The following RYR2 variants were observed in gnomAD, a reference collection of about 807,000 sequenced individuals.
RYR2 encodes the protein ryanodine receptor 2.
Under a neutral mutation model 601.1 loss-of-function variants are expected in RYR2, and 227 were observed. The ratio of observed to expected loss-of-function variants is 0.38; its 90% confidence interval spans 0.34 to 0.42. The LOEUF (loss-of-function observed/expected upper bound fraction) is 0.42, where lower values mean the gene tolerates loss of function less well. RYR2 is among the 10% of genes least tolerant of loss of function. The pLI, the probability that RYR2 is intolerant of heterozygous loss-of-function variation, is 1.00. For synonymous variants in RYR2, 2,223 were observed against 2,175.1 expected, an observed-to-expected ratio of 1.02 and a Z score of -0.61; for missense variants, 4,646 against 6,156.5, an observed-to-expected ratio of 0.75 and a Z score of 8.21.
At chr1:237,750,608 T>C (rs1371549619) in intron 80 of RYR2, among the ~76,000 whole-genome samples, 2 of 151,462 alleles carry the variant, frequency 1.3e-5, no homozygotes, top group African/African-American at 4.8e-5. Context: ...GTATATTAAA[T>C]ATAATACTAT....
chr1:237,313,935 A>G (rs541859223), intron 2 of RYR2, among the ~76,000 whole-genome samples: 3 of 142,928 alleles, frequency 2.1e-5, no homozygotes, highest in African/African-American at 7.8e-5. Context: ...CTAGTATTCA[A>G]CTTCCAATAA....
Position 237,729,490 on chromosome 1 carries a change from C to T in RYR2, c.10839-770C>T, listed in dbSNP as rs549332368. On this transcript the variant is annotated intron_variant, in intron 76 of 104. Transcript: ENST00000366574. ...CCTTCATAAACCTGTCTAACTGTTA[C>T]GTCTCATGAGTCCTTAACCCAATTT... Among the ~76,000 whole-genome samples, 21 of 152,244 alleles carry T rather than the reference C, an allele frequency of 1.4e-4. No individual in the cohort carries two copies. The South Asian group carries it at 3.5e-3, about 26-fold the overall frequency.
intron 1 of RYR2, among the ~76,000 whole-genome samples, chr1:237,123,834 A>AT: frequency 6.6e-6 from 1 of 151,424 alleles, no homozygotes; most frequent in African/African-American, 2.4e-5. Flanking sequence ...CGCCCGGCTA[A>AT]TTTTTTGTAT....
At chr1:237,369,968 T>C (rs1007681740) in intron 6 of RYR2, among the ~76,000 whole-genome samples, 2 of 152,094 alleles carry the variant, frequency 1.3e-5, no homozygotes, top group African/African-American at 4.8e-5. Context: ...AAAGATCAGA[T>C]TTAAGAAAAT....
At chr1:237,812,003 T>G (rs1192232495) in intron 100 of RYR2, among the ~76,000 whole-genome samples, 1 of 152,196 alleles carries the variant, frequency 6.6e-6, no homozygotes, top group South Asian at 2.1e-4. Context: ...ATTTGTCAAG[T>G]GCTTATATAG....
chr1:237,579,762 T>C (rs2148358841), intron 29 of RYR2, among the ~76,000 whole-genome samples: 1 of 152,326 alleles, frequency 6.6e-6, no homozygotes, highest in South Asian at 2.1e-4. Context: ...CACTTGTTCT[T>C]CAGTTTGGTT....
At chr1:237,430,871 T>C (rs1706735490) in intron 12 of RYR2, among the ~76,000 whole-genome samples, 1 of 152,210 alleles carries the variant, frequency 6.6e-6, no homozygotes, top group Non-Finnish European at 1.5e-5. Flanking sequence ...AGAATAGGGC[T>C]CATATTTGAG....
intron 9 of RYR2, 53 bp downstream of exon 9, chr1:237,387,433 C>T: frequency 6.6e-7 from 1 of 1,509,990 alleles, no homozygotes; most frequent in Non-Finnish European, 9.2e-7. Flanking sequence ...AGTTGACAGT[C>T]ATCTTTGGAA....
At chr1:237,685,773 T>C (rs1317736123) in intron 62 of RYR2, among the ~76,000 whole-genome samples, 1 of 152,166 alleles carries the variant, frequency 6.6e-6, no homozygotes, top group Non-Finnish European at 1.5e-5. Context: ...CAAAGATAAA[T>C]AAGGCAGGTC....
At chr1:237,044,128 G>A (rs1195035273) in intron 1 of RYR2, among the ~76,000 whole-genome samples, 5 of 151,978 alleles carry the variant, frequency 3.3e-5, no homozygotes, top group Admixed American at 6.6e-5. Flanking sequence ...CCTTGGTCAC[G>A]GTGTATAAAC....
chr1:237,725,949 T>C (rs2149137130), intron 74 of RYR2, among the ~76,000 whole-genome samples: 1 of 152,220 alleles, frequency 6.6e-6, no homozygotes, highest in South Asian at 2.1e-4. Flanking sequence ...TTGGGTCTCA[T>C]TGAAAACTAT....
intron 19 of RYR2, among the ~76,000 whole-genome samples, chr1:237,495,145 G>A: frequency 6.6e-6 from 1 of 152,024 alleles, no homozygotes; most frequent in African/African-American, 2.4e-5. Flanking sequence ...ATTCACTCTA[G>A]GGCAAAGACT....
intron 25 of RYR2, among the ~76,000 whole-genome samples, chr1:237,533,211 C>G (rs897604144): frequency 7.2e-5 from 11 of 152,134 alleles, no homozygotes; most frequent in African/African-American, 2.7e-4. Context: ...TATATACTGT[C>G]TCTAAATTTT....
chr1:237,337,586 T>C (rs969295704), intron 3 of RYR2, among the ~76,000 whole-genome samples: 2 of 152,142 alleles, frequency 1.3e-5, no homozygotes, highest in Non-Finnish European at 2.9e-5. Context: ...GGGAAAATAA[T>C]AGCATCTCCC....
chr1:237,699,023 A>C lies in RYR2; in HGVS notation c.9126A>C (p.Ala3042=). Residue 3042 remains alanine (A), a splice_region_variant and synonymous_variant, in exon 64 of 105, where the codon GCA becomes GCC. Transcript: ENST00000366574. ...CLHILGQTLD[A]RTVMKTGLES... ...ATATTTTGGGTCAGACTTTGGATGC[A>C]AGGTAAATGGATACATTTTTACCTA... 6.8e-7 allele frequency: 1 copy of C among 1,474,884 alleles called. No individual in the cohort carries two copies. The highest frequency in any genetic ancestry group is 1.2e-5 in the South Asian group (1 of 81,006). The allele number at this position is 1,474,884 out of a possible 1,614,324, so 91.4% of individuals were successfully genotyped here.
At chr1:237,368,316 T>C (rs890330305) in intron 5 of RYR2, among the ~76,000 whole-genome samples, 4 of 152,080 alleles carry the variant, frequency 2.6e-5, no homozygotes, top group African/African-American at 9.7e-5. Context: ...ATTACACTAA[T>C]AGAAAAAAAC....
chr1:237,522,708 T>G (rs1422642538), intron 24 of RYR2, among the ~76,000 whole-genome samples: 1 of 152,240 alleles, frequency 6.6e-6, no homozygotes, highest in Non-Finnish European at 1.5e-5. Context: ...AGTCAGTAAC[T>G]GGGTTTTTAC....
chr1:237,428,262 A>G (rs564042570), intron 12 of RYR2, among the ~76,000 whole-genome samples: 6 of 152,330 alleles, frequency 3.9e-5, no homozygotes, highest in South Asian at 2.1e-4. Flanking sequence ...TATATACCCA[A>G]AGGAATATAA....
At position 237,320,089 on chromosome 1, in the gene RYR2, G is replaced by A. The variant is rs573339150; in HGVS notation, c.169-10789G>A. Among the ~76,000 whole-genome samples, 4 of 152,234 alleles carry A rather than the reference G, an allele frequency of 2.6e-5. 1 individual carries two copies. Among genetic ancestry groups the A allele is most frequent in the South Asian group, 4.1e-4 (2 of 4,826 alleles). On this transcript the variant is annotated intron_variant, in intron 2 of 104. Coordinates refer to ENST00000366574, the MANE Select transcript of RYR2 (RefSeq NM_001035.3). ...ATTTACTGTTCTTACCCAAATTGTGGCAGTTTTTAAGCATAAAAGTTTCTT... is the reference window on the plus strand; with the variant it reads ...ATTTACTGTTCTTACCCAAATTGTGACAGTTTTTAAGCATAAAAGTTTCTT...
Sources: allele counts gnomAD v4.1 joint callset (sites outside exome capture counted in the v4.1 genomes callset), GRCh38; gene constraint gnomAD v4.1.1; transcripts MANE v1.5; gene names NCBI Gene and HGNC (gene_info 2026-07-23, HGNC 2026-07-21).